ANKRD33B: variants seen among roughly 807,000 people sequenced by gnomAD.
The protein encoded by ANKRD33B is ankyrin repeat domain-containing protein 33B.
ANKRD33B carries 6 observed loss-of-function variants against 21.5 expected under a neutral mutation model. That is an observed-to-expected ratio of 0.28 (90% CI 0.15 to 0.55). The LOEUF is 0.55. ANKRD33B is among the 20% of genes least tolerant of loss of function. The pLI is 0.94. For missense variants in ANKRD33B, 698 were observed against 747.2 expected (o/e 0.93, Z 0.77); for synonymous variants, 347 against 342.4 (o/e 1.01, Z -0.15).
chr5:10,643,589 G>A (rs1419158659), intron 3 of ANKRD33B, among the ~76,000 whole-genome samples: 5 of 152,000 alleles, frequency 3.3e-5, no homozygotes, highest in African/African-American at 7.2e-5. Flanking sequence ...GCTGAGGCGG[G>A]TGGATCACCT....
chr5:10,609,800 T>C (rs1461096255), intron 1 of ANKRD33B, among the ~76,000 whole-genome samples: 1 of 149,448 alleles, frequency 6.7e-6, no homozygotes, highest in African/African-American at 2.6e-5. Context: ...TCTCAGCTAC[T>C]TGGGCAGCTG....
At position 10,564,598 on chromosome 5, in the gene ANKRD33B, C is replaced by T. The variant is rs925028453; in HGVS notation, c.131C>T (p.Ser44Leu). 5.2e-6 allele frequency: 8 copies of T among 1,534,742 alleles called. No individual in the cohort carries two copies. The highest frequency in any genetic ancestry group is 2.0e-5 in the Admixed American group (1 of 50,982). The change falls in exon 1 of 4, where the codon TCG becomes TTG. Residue 44 changes from serine (S) to leucine (L), a missense_variant. Ser to Leu is a moderately radical substitution (Grantham distance 145). Coordinates refer to ENST00000296657, the MANE Select transcript of ANKRD33B (RefSeq NM_001164440.2). ...PADYEEFEDF[S>L]SLPDTRSIAS... ...GACTACGAAGAGTTTGAGGACTTCT[C>T]GAGTCTGCCAGACACCCGCAGCATC...
At chr5:10,624,373 G>A (rs145533937) in intron 2 of ANKRD33B, among the ~76,000 whole-genome samples, 6 of 151,956 alleles carry the variant, frequency 3.9e-5, no homozygotes, top group African/African-American at 7.3e-5. Context: ...CAAGTGATCC[G>A]CCCACCTTGG....
At chr5:10,600,537 T>C (rs924606023) in intron 1 of ANKRD33B, among the ~76,000 whole-genome samples, 2 of 152,260 alleles carry the variant, frequency 1.3e-5, no homozygotes, top group Non-Finnish European at 2.9e-5. Flanking sequence ...CAAGTTTGAT[T>C]ATAGCAGACT....
chr5:10,574,063 C>T (rs148213489), intron 1 of ANKRD33B, among the ~76,000 whole-genome samples: 9 of 152,348 alleles, frequency 5.9e-5, no homozygotes, highest in East Asian at 5.8e-4. Flanking sequence ...TTCCTTGCCC[C>T]GGGCTCTTTT....
At chr5:10,634,610 C>T (rs1203355905) in intron 2 of ANKRD33B, among the ~76,000 whole-genome samples, 1 of 151,870 alleles carries the variant, frequency 6.6e-6, no homozygotes, top group African/African-American at 2.4e-5. Flanking sequence ...TAGGCATGCA[C>T]CAGCACACCC....
intron 1 of ANKRD33B, among the ~76,000 whole-genome samples, chr5:10,587,451 C>T (rs1735589981): frequency 6.6e-6 from 1 of 151,930 alleles, no homozygotes; most frequent in Non-Finnish European, 1.5e-5. Context: ...TTTATTTTCA[C>T]TGTGAATGAT....
chr5:10,639,979 G>A (rs1179650395), intron 3 of ANKRD33B, among the ~76,000 whole-genome samples: 2 of 72,460 alleles, frequency 2.8e-5, no homozygotes, highest in Non-Finnish European at 6.6e-5. Flanking sequence ...CGGGTGACGC[G>A]GAGTTGCGCG....
intron 1 of ANKRD33B, among the ~76,000 whole-genome samples, chr5:10,604,253 G>A (rs1333770406): frequency 1.4e-5 from 2 of 142,892 alleles, no homozygotes; most frequent in African/African-American, 2.6e-5. Flanking sequence ...GTACAGTGGC[G>A]TGATCTCGGC....
chr5:10,580,173 T>C (rs906088113), intron 1 of ANKRD33B, among the ~76,000 whole-genome samples: 1 of 152,254 alleles, frequency 6.6e-6, no homozygotes, highest in Non-Finnish European at 1.5e-5. Context: ...AAGACATATG[T>C]GGGTTCTACC....
intron 1 of ANKRD33B, among the ~76,000 whole-genome samples, chr5:10,587,078 G>T (rs192712594): frequency 2.6e-5 from 4 of 152,114 alleles, no homozygotes; most frequent in Admixed American, 1.3e-4. Context: ...GCAGTTGTGC[G>T]ATCTTGGCTC....
At chr5:10,627,580 G>GA (rs1440642450) in intron 2 of ANKRD33B, 2 of 152,214 alleles carry the variant, frequency 1.3e-5, no homozygotes, top group African/African-American at 4.8e-5. Flanking sequence ...CTGAATCGGG[G>GA]AGAGTCCCAG....
chr5:10,613,340 A>G lies in ANKRD33B; in HGVS notation c.367-4993A>G, dbSNP rs1736214208. Among the ~76,000 whole-genome samples the G allele has an allele frequency of 2.0e-5, 3 of 147,232 alleles. No homozygotes were observed. In the Admixed American group the frequency reaches 2.0e-4, roughly 10 times the overall value. On this transcript the variant is annotated intron_variant, in intron 1 of 3. Coordinates refer to ENST00000296657, the MANE Select transcript of ANKRD33B (RefSeq NM_001164440.2). ...TGCTCTGTTGCCCAGGCTGGAGTGCAGTGGCACGATCTCAGCTCACTGCAA... is the reference window on the plus strand; with the variant it reads ...TGCTCTGTTGCCCAGGCTGGAGTGCGGTGGCACGATCTCAGCTCACTGCAA...
intron 3 of ANKRD33B, 121 bp from the exon 4 acceptor site, chr5:10,649,145 T>A (rs1040949964): frequency 7.0e-7 from 1 of 1,421,914 alleles, no homozygotes; most frequent in African/African-American, 1.5e-5. Context: ...TGCAGTCTGT[T>A]AGGAGGCTTG....
rs770321630 is a variant in ANKRD33B at position 10,621,256 on chromosome 5, AG to A, written c.496+2795del. Among the ~76,000 whole-genome samples, 38 of 152,330 alleles carry A rather than the reference AG, an allele frequency of 2.5e-4. 1 individual carries two copies. In the Middle Eastern group the frequency reaches 0.014, roughly 55 times the overall value. ...ACCAGCTGTATCTTCAAGGAATGAT[AG>A]TTCTTTTTTTAGTGAGGAATGGTAT... On this transcript the variant is annotated intron_variant, in intron 2 of 3. Transcript: ENST00000296657.
Position 10,589,963 on chromosome 5 carries a change from T to A in ANKRD33B, c.366+25130T>A, listed in dbSNP as rs187500708. 3.2e-3 allele frequency among the ~76,000 whole-genome samples: 484 copies of A among 151,640 alleles called. 2 individuals are homozygous for A. The highest frequency in any genetic ancestry group is 0.011 in the African/African-American group (438 of 41,510). On this transcript the variant is annotated intron_variant, in intron 1 of 3. Transcript: ENST00000296657. Reference sequence around the variant, plus strand: ...CTATCTTTTAAATCTTTTTTTTTTTTAATTTTCTGGGCATTTTTGATTAAA... The same window carrying A: ...CTATCTTTTAAATCTTTTTTTTTTTAAATTTTCTGGGCATTTTTGATTAAA...
intron 2 of ANKRD33B, among the ~76,000 whole-genome samples, chr5:10,633,173 C>T (rs990329984): frequency 6.6e-6 from 1 of 150,500 alleles, no homozygotes; most frequent in Non-Finnish European, 1.5e-5. Context: ...GCAATCTTGG[C>T]TCACCGCAAC....
At chr5:10,635,965 C>T (rs900532) in intron 2 of ANKRD33B, among the ~76,000 whole-genome samples, 64,200 of 152,000 alleles carry the variant, frequency 0.42, 13,784 homozygotes, top group Middle Eastern at 0.56. Context: ...GTCATGCTCA[C>T]GTAGTATTCT....
chr5:10,625,831 C>A lies in ANKRD33B; in HGVS notation c.496+7369C>A, dbSNP rs529110561. On this transcript the variant is annotated intron_variant, in intron 2 of 3. Coordinates refer to ENST00000296657, the MANE Select transcript of ANKRD33B (RefSeq NM_001164440.2). ...TGAAGTCTTTGGATCTGGGGTGCATCTCTGAGGACAGCGTGTTAGGATCCT... is the reference window on the plus strand; with the variant it reads ...TGAAGTCTTTGGATCTGGGGTGCATATCTGAGGACAGCGTGTTAGGATCCT... Among the ~76,000 whole-genome samples, 4 of 152,300 alleles carry A rather than the reference C, an allele frequency of 2.6e-5. No individual in the cohort carries two copies. In the East Asian group the frequency reaches 7.7e-4, roughly 29 times the overall value.
Sources: gnomAD v4.1 joint callset for allele counts (sites outside exome capture counted in the v4.1 genomes callset) on GRCh38, gnomAD v4.1.1 for gene constraint, MANE v1.5 for transcripts, NCBI Gene and HGNC (gene_info 2026-07-23, HGNC 2026-07-21) for gene names.